Variants in KIF5C observed in about 807,000 individuals in gnomAD.
KIF5C encodes kinesin heavy chain isoform 5C.
A neutral mutation model predicts 125.2 loss-of-function variants in KIF5C; 18 were observed. The observed-to-expected ratio is 0.14, with a 90% CI of 0.10 to 0.21. KIF5C has a LOEUF of 0.21. KIF5C is among the 10% of genes least tolerant of loss of function. The pLI, the probability that KIF5C is intolerant of heterozygous loss-of-function variation, is 1.00. For missense variants in KIF5C, 780 were observed against 1,183.8 expected (o/e 0.66, Z 5.01); for synonymous variants, 405 against 434.0 (o/e 0.93, Z 0.83).
chr2:148,974,108 A>AT (rs950418306), intron 12 of KIF5C, among the ~76,000 whole-genome samples: 1 of 152,232 alleles, frequency 6.6e-6, no homozygotes, highest in African/African-American at 2.4e-5. Context: ...AGTCATGTAA[A>AT]TGCACAAGTT....
At chr2:148,978,622 T>G (rs1396429959) in intron 12 of KIF5C, among the ~76,000 whole-genome samples, 1 of 152,208 alleles carries the variant, frequency 6.6e-6, no homozygotes, top group African/African-American at 2.4e-5. Flanking sequence ...GAGGGATATC[T>G]CTAACGTCCC....
chr2:148,951,006 A>G (rs1031101004), intron 10 of KIF5C, among the ~76,000 whole-genome samples: 4 of 152,228 alleles, frequency 2.6e-5, no homozygotes, highest in Admixed American at 6.5e-5. Context: ...GTTTAAAACA[A>G]AACGGAACAA....
At chr2:148,902,524 C>A (rs989660634) in intron 1 of KIF5C, among the ~76,000 whole-genome samples, 1 of 152,102 alleles carries the variant, frequency 6.6e-6, no homozygotes, top group Non-Finnish European at 1.5e-5. Context: ...ACCATGTTGG[C>A]CAGTCTGATC....
intron 7 of KIF5C, among the ~76,000 whole-genome samples, chr2:148,946,101 G>A (rs867306472): frequency 6.6e-6 from 1 of 151,978 alleles, no homozygotes; most frequent in African/African-American, 2.4e-5. Flanking sequence ...TTTTTGGGTT[G>A]TTCATTGTTA....
Position 149,000,893 on chromosome 2 carries a change from A to T in KIF5C, c.2373+111A>T, listed in dbSNP as rs569656174. ...TGCACACCTTTCTGTGTAATGTTTT[A>T]GATAAGACATTCTATGGAAAAGTAG... On this transcript the variant is annotated intron_variant, in intron 21 of 25. Coordinates refer to ENST00000435030, the MANE Select transcript of KIF5C (RefSeq NM_004522.3). The T allele has an allele frequency of 2.7e-5, 41 of 1,526,486 alleles. No individual in the cohort carries two copies. The East Asian group carries it at 9.3e-4, about 35-fold the overall frequency. The allele number at this position is 1,526,486 out of a possible 1,614,324, so 94.6% of individuals were successfully genotyped here. A position where few individuals can be genotyped will look rare whatever the true frequency, so the allele number is the denominator to read the frequency against.
At chr2:148,942,636 C>A (rs1381626399) in intron 6 of KIF5C, 37 bp from the exon 7 acceptor site, 2 of 1,585,404 alleles carry the variant, frequency 1.3e-6, no homozygotes, top group Admixed American at 3.6e-5. Flanking sequence ...TGCTTTTCAA[C>A]TCTTTCAGTG....
At chr2:148,954,350 T>C (rs1326993671) in intron 10 of KIF5C, among the ~76,000 whole-genome samples, 1 of 152,184 alleles carries the variant, frequency 6.6e-6, no homozygotes, top group Non-Finnish European at 1.5e-5. Context: ...TTAGAGCACT[T>C]TTATTGATTC....
intron 1 of KIF5C, among the ~76,000 whole-genome samples, chr2:148,889,777 A>G (rs1681652770): frequency 1.3e-5 from 2 of 152,204 alleles, no homozygotes; most frequent in Admixed American, 1.3e-4. Context: ...GCACGTCTTT[A>G]GTTCTGGAAG....
intron 19 of KIF5C, chr2:149,000,184 A>C (rs936108316): frequency 7.5e-6 from 3 of 402,634 alleles, no homozygotes; most frequent in Non-Finnish European, 1.3e-5. Context: ...TTGCACAAGC[A>C]AACTATAAAT....
intron 6 of KIF5C, 90 bp from the exon 7 acceptor site, chr2:148,942,583 T>C (rs931395029): frequency 7.2e-6 from 11 of 1,537,218 alleles, no homozygotes; most frequent in Admixed American, 3.9e-5. Flanking sequence ...TCTGCACCTC[T>C]AGAAGATAAA....
intron 1 of KIF5C, among the ~76,000 whole-genome samples, chr2:148,920,668 G>A (rs917442957): frequency 2.0e-5 from 3 of 152,182 alleles, no homozygotes; most frequent in Admixed American, 2.0e-4. Context: ...AAGCTTAAGG[G>A]CTAGGATTTT....
intron 4 of KIF5C, among the ~76,000 whole-genome samples, chr2:148,939,770 AAT>A (rs761644896): frequency 1.3e-5 from 2 of 152,252 alleles, no homozygotes; most frequent in Non-Finnish European, 2.9e-5. Flanking sequence ...TGACTAAGGC[AAT>A]ATCGAAAATC....
intron 11 of KIF5C, among the ~76,000 whole-genome samples, 184 bp from the exon 12 acceptor site, chr2:148,973,152 G>A (rs1366112383): frequency 1.3e-5 from 2 of 152,110 alleles, no homozygotes; most frequent in Non-Finnish European, 2.9e-5. Flanking sequence ...TCTTAGACTA[G>A]TTTTGGCCAA....
At chr2:148,913,649 G>A (rs1337573569) in intron 1 of KIF5C, among the ~76,000 whole-genome samples, 1 of 152,186 alleles carries the variant, frequency 6.6e-6, no homozygotes, top group Non-Finnish European at 1.5e-5. Flanking sequence ...GTGTTCCCAT[G>A]TTGGCAGCGC....
At position 149,016,359 on chromosome 2, in the gene KIF5C, G is replaced by T. The variant is rs186908339; in HGVS notation, c.*7+4676G>T. ...GGTAGGAATGGGGTAAGCACTGGGG[G>T]TTGCCTAGGGCGTCACTGTAGGTGG... On this transcript the variant is annotated intron_variant, in intron 25 of 25. Coordinates refer to ENST00000435030, the MANE Select transcript of KIF5C (RefSeq NM_004522.3). Among the ~76,000 whole-genome samples the T allele has an allele frequency of 6.4e-3, 966 of 152,120 alleles. 7 individuals are homozygous for T. The highest frequency in any genetic ancestry group is 0.02 in the African/African-American group (819 of 41,432).
chr2:148,992,873 G>T (rs1346576691), intron 16 of KIF5C, among the ~76,000 whole-genome samples: 1 of 152,202 alleles, frequency 6.6e-6, no homozygotes, highest in African/African-American at 2.4e-5. Context: ...GGTCATCTAT[G>T]ATACCAAAAG....
At chr2:148,960,323 G>C (rs1682896179) in intron 10 of KIF5C, among the ~76,000 whole-genome samples, 1 of 152,198 alleles carries the variant, frequency 6.6e-6, no homozygotes, top group Admixed American at 6.5e-5. Context: ...GCCTTGAAGT[G>C]TGCCCTTAAG....
At position 148,921,773 on chromosome 2, in the gene KIF5C, TTCACAAGAGCAAGAC is replaced by T. The variant is rs1318186146; in HGVS notation, c.127-362_127-348del. On this transcript the variant is annotated intron_variant, in intron 1 of 25. Coordinates refer to ENST00000435030, the MANE Select transcript of KIF5C (RefSeq NM_004522.3). Reference sequence around the variant, plus strand: ...CTATCTGCTCAACTTAATTGAATGATTCACAAGAGCAAGACTGTTTTGTGATTTTTTTTTTCAGCA... The same window carrying T: ...CTATCTGCTCAACTTAATTGAATGATTGTTTTGTGATTTTTTTTTTCAGCA... Among the ~76,000 whole-genome samples the T allele has an allele frequency of 2.6e-5, 4 of 151,652 alleles. No homozygotes were observed. The South Asian group carries it at 6.2e-4, about 24-fold the overall frequency.
intron 21 of KIF5C, among the ~76,000 whole-genome samples, chr2:149,005,172 A>G (rs1681969216): frequency 6.6e-6 from 1 of 152,128 alleles, no homozygotes; most frequent in Non-Finnish European, 1.5e-5. Context: ...TCTGGTTTAC[A>G]ATTTGTGGTC....
Sources: gnomAD v4.1 joint callset for allele counts (sites outside exome capture counted in the v4.1 genomes callset) on GRCh38, gnomAD v4.1.1 for gene constraint, MANE v1.5 for transcripts, NCBI Gene and HGNC (gene_info 2026-07-23, HGNC 2026-07-21) for gene names.